The following RABGAP1L variants were observed in gnomAD, a reference collection of about 807,000 sequenced individuals.
RABGAP1L encodes RAB GTPase activating protein 1 like.
A neutral mutation model predicts 137.7 loss-of-function variants in RABGAP1L; 63 were observed. The ratio of observed to expected loss-of-function variants is 0.46; its 90% CI spans 0.37 to 0.56. The LOEUF is 0.56. Among genes scored for constraint, RABGAP1L ranks in the 20% least tolerant of loss-of-function variants. The probability of loss-of-function intolerance (pLI) is 0.00; values close to 1 mark genes in which losing one functional copy is unlikely to be tolerated. For missense variants in RABGAP1L, 1,095 were observed against 1,244.0 expected (o/e 0.88, Z 1.80); for synonymous variants, 431 against 433.7 (o/e 0.99, Z 0.08).
intron 13 of RABGAP1L, among the ~76,000 whole-genome samples, chr1:174,468,463 C>A (rs1657544360): frequency 6.6e-6 from 1 of 152,016 alleles, no homozygotes; most frequent in African/African-American, 2.4e-5. Context: ...CACATTCTAC[C>A]TTGGTTTTGT....
intron 11 of RABGAP1L, among the ~76,000 whole-genome samples, chr1:174,337,667 G>A (rs146353930): frequency 7.5e-4 from 114 of 152,164 alleles, no homozygotes; most frequent in African/African-American, 2.4e-3. Flanking sequence ...CCTGAACTAG[G>A]GTACTGGCCC....
chr1:174,827,397 G>A (rs1421217456), intron 19 of RABGAP1L, among the ~76,000 whole-genome samples: 1 of 152,210 alleles, frequency 6.6e-6, no homozygotes, highest in East Asian at 1.9e-4. Context: ...CTCTTTAAAG[G>A]CCTTATCTCC....
chr1:174,276,845 C>T (rs1675043708), intron 9 of RABGAP1L, among the ~76,000 whole-genome samples: 1 of 152,010 alleles, frequency 6.6e-6, no homozygotes, highest in African/African-American at 2.4e-5. Context: ...ATCCAGATAG[C>T]TGTTAATTGC....
chr1:174,823,157 C>CT (rs542429314), intron 19 of RABGAP1L, among the ~76,000 whole-genome samples: 489 of 152,206 alleles, frequency 3.2e-3, no homozygotes, highest in Middle Eastern at 0.01. Context: ...TTTAAGTTTT[C>CT]TTTTTTTCCC....
At chr1:174,380,561 C>G (rs985094082) in intron 12 of RABGAP1L, among the ~76,000 whole-genome samples, 21 of 152,166 alleles carry the variant, frequency 1.4e-4, no homozygotes, top group Admixed American at 8.5e-4. Context: ...TCTAGATTTT[C>G]TAGTTTATTT....
intron 12 of RABGAP1L, 48 bp downstream of exon 12, chr1:174,371,120 T>A (rs766675672): frequency 9.4e-7 from 1 of 1,064,570 alleles, no homozygotes; most frequent in East Asian, 2.5e-5. Context: ...ACATAGTTGA[T>A]GTTAATTTGT....
At chr1:174,816,373 C>T (rs115616538) in intron 19 of RABGAP1L, among the ~76,000 whole-genome samples, 4,317 of 152,010 alleles carry the variant, frequency 0.028, 98 homozygotes, top group Non-Finnish European at 0.042. Flanking sequence ...CTCATACTCC[C>T]GACCTCAGGT....
chr1:174,568,791 T>C (rs1667754972), intron 13 of RABGAP1L, among the ~76,000 whole-genome samples: 1 of 152,194 alleles, frequency 6.6e-6, no homozygotes, highest in Non-Finnish European at 1.5e-5. Flanking sequence ...AAGCAGTGAT[T>C]TGTAAAGATC....
chr1:174,214,516 C>G (rs1202554572), intron 1 of RABGAP1L, among the ~76,000 whole-genome samples: 1 of 152,032 alleles, frequency 6.6e-6, no homozygotes, highest in Admixed American at 6.6e-5. Context: ...TACAAAAGAC[C>G]CAGAATAGCC....
At chr1:174,228,964 T>C (rs1670409176) in intron 3 of RABGAP1L, among the ~76,000 whole-genome samples, 2 of 151,948 alleles carry the variant, frequency 1.3e-5, no homozygotes, top group Non-Finnish European at 2.9e-5. Flanking sequence ...AGATGGATGC[T>C]CTCTAACCAC....
intron 11 of RABGAP1L, among the ~76,000 whole-genome samples, chr1:174,335,254 G>A (rs1482138001): frequency 6.6e-6 from 1 of 152,170 alleles, no homozygotes; most frequent in Non-Finnish European, 1.5e-5. Flanking sequence ...ATGCTTTCCT[G>A]CTGTGGGGAA....
Position 174,275,894 on chromosome 1 carries a change from A to C in RABGAP1L, c.1115A>C (p.Asn372Thr). 6.2e-7 allele frequency: 1 copy of C among 1,613,134 alleles called. No homozygotes were observed. Among genetic ancestry groups the C allele is most frequent in the Non-Finnish European group, 8.5e-7 (1 of 1,179,392 alleles). Reference protein sequence around the residue: ...AYVITGMWNPNAPVFLALNEE... With the variant: ...AYVITGMWNPTAPVFLALNEE... Reference sequence around the variant, plus strand: ...GTCATCACTGGCATGTGGAACCCCAATGCACCAGTATTTCTGGCACTTAAC... The same window carrying C: ...GTCATCACTGGCATGTGGAACCCCACTGCACCAGTATTTCTGGCACTTAAC... The change falls in exon 9 of 26, where the codon AAT (asparagine) becomes ACT (threonine). Residue 372 changes from asparagine to threonine, a missense_variant. By Grantham distance (65) the Asn-to-Thr change is moderately conservative. Coordinates refer to ENST00000681986, the MANE Select transcript of RABGAP1L (RefSeq NM_001366446.1).
chr1:174,529,534 T>C (rs1664208440), intron 13 of RABGAP1L, among the ~76,000 whole-genome samples: 1 of 152,008 alleles, frequency 6.6e-6, no homozygotes, highest in Non-Finnish European at 1.5e-5. Context: ...GTGGTGGCAG[T>C]GGTAGGTTTG....
At chr1:174,952,594 T>A (rs1474166965) in intron 19 of RABGAP1L, among the ~76,000 whole-genome samples, 1 of 152,078 alleles carries the variant, frequency 6.6e-6, no homozygotes, top group African/African-American at 2.4e-5. Flanking sequence ...TGTTTTTATT[T>A]GTTTGTTTTA....
intron 17 of RABGAP1L, among the ~76,000 whole-genome samples, chr1:174,718,354 T>C (rs1262702178): frequency 6.6e-6 from 1 of 152,194 alleles, no homozygotes; most frequent in East Asian, 1.9e-4. Context: ...AGAATGCTCA[T>C]CTGTTGGCAT....
intron 18 of RABGAP1L, among the ~76,000 whole-genome samples, chr1:174,762,384 T>C: frequency 6.6e-6 from 1 of 152,196 alleles, no homozygotes; most frequent in Non-Finnish European, 1.5e-5. Context: ...TCACATATAC[T>C]GGTTTCCTCT....
intron 14 of RABGAP1L, among the ~76,000 whole-genome samples, chr1:174,676,409 T>C (rs2148461491): frequency 6.6e-6 from 1 of 152,326 alleles, no homozygotes; most frequent in Admixed American, 6.5e-5. Context: ...ACTAGGTTAC[T>C]GATTCAGTTT....
chr1:174,422,836 A>T (rs1406641542), intron 13 of RABGAP1L, among the ~76,000 whole-genome samples: 1 of 151,610 alleles, frequency 6.6e-6, no homozygotes, highest in Non-Finnish European at 1.5e-5. Flanking sequence ...AATCCCAGAT[A>T]CTTGGGAAGC....
intron 13 of RABGAP1L, among the ~76,000 whole-genome samples, chr1:174,543,176 C>G (rs936410165): frequency 3.9e-5 from 6 of 152,082 alleles, no homozygotes; most frequent in Non-Finnish European, 5.9e-5. Context: ...ATTGATCTGT[C>G]TAATGTTGAC....
Sources: gnomAD v4.1 joint callset for allele counts (sites outside exome capture counted in the v4.1 genomes callset) on GRCh38, gnomAD v4.1.1 for gene constraint, MANE v1.5 for transcripts, NCBI Gene and HGNC (gene_info 2026-07-23, HGNC 2026-07-21) for gene names.